Variants in THADA observed in about 807,000 individuals in gnomAD.
THADA encodes the protein THADA armadillo repeat containing, also known as tRNA (32-2'-O)-methyltransferase regulator THADA.
In THADA, 213 loss-of-function variants were observed where a neutral mutation model predicts 219.8. That is an observed-to-expected ratio of 0.97 (90% CI 0.87 to 1.09). The LOEUF (loss-of-function observed/expected upper bound fraction) is 1.09, where lower values mean the gene tolerates loss of function less well. THADA is among the 50% of genes least tolerant of loss of function. The probability of loss-of-function intolerance (pLI) is 0.00; values close to 1 mark genes in which losing one functional copy is unlikely to be tolerated. For missense variants in THADA, 2,956 were observed against 2,311.3 expected (o/e 1.28, Z -5.72); for synonymous variants, 1,018 against 828.9 (o/e 1.23, Z -3.92).
intron 36 of THADA, among the ~76,000 whole-genome samples, chr2:43,234,903 C>T (rs887124254): frequency 6.6e-6 from 1 of 152,052 alleles, no homozygotes; most frequent in African/African-American, 2.4e-5. Context: ...AAACTCCTGA[C>T]CTCAAGTGAT....
At chr2:43,334,898 A>G (rs1232078615) in intron 30 of THADA, among the ~76,000 whole-genome samples, 1 of 152,248 alleles carries the variant, frequency 6.6e-6, no homozygotes, top group Non-Finnish European at 1.5e-5. Context: ...AAGCCCCTCA[A>G]CACAGGTGAT....
intron 30 of THADA, among the ~76,000 whole-genome samples, chr2:43,330,395 C>G (rs755285258): frequency 6.6e-6 from 1 of 152,202 alleles, no homozygotes; most frequent in Non-Finnish European, 1.5e-5. Context: ...GGGCCTCTCT[C>G]CAAGATGCTC....
chr2:43,555,064 C>A (rs1257822985), intron 17 of THADA, among the ~76,000 whole-genome samples: 2 of 151,996 alleles, frequency 1.3e-5, no homozygotes. Context: ...AAAAGATCTA[C>A]ATAAGAATGT....
chr2:43,557,599 AAGACAGAACAAAGGACAGTTTGCTGTTGT>A (rs1312372489), intron 16 of THADA, among the ~76,000 whole-genome samples: 1 of 152,234 alleles, frequency 6.6e-6, no homozygotes, highest in Admixed American at 6.5e-5. Flanking sequence ...TGTCCTAAAG[AAGACAGAACAAAGGACAGTTTGCTGTTGT>A]AGTCATGGAA....
At chr2:43,362,827 TTTC>T (rs1218171319) in intron 29 of THADA, among the ~76,000 whole-genome samples, 2 of 152,336 alleles carry the variant, frequency 1.3e-5, no homozygotes, top group Non-Finnish European at 2.9e-5. Context: ...TAAAAAATAA[TTTC>T]TTTATATCCT....
rs1274319134 is a variant in THADA, at chr2:43,443,405, A to T, written c.3837-13103T>A. Among the ~76,000 whole-genome samples, 9 of 152,340 alleles carry T rather than the reference A, an allele frequency of 5.9e-5. No homozygotes were observed. In the East Asian group the frequency reaches 7.7e-4, roughly 13 times the overall value. On this transcript the variant is annotated intron_variant, in intron 26 of 37. Coordinates refer to ENST00000405975, the MANE Select transcript of THADA (RefSeq NM_022065.5). ...CCCTGCCAGAGCTTGAAATGTTCTT[A>T]AACACAAATAAATAACGCTTGTCTC...
chr2:43,237,021 G>A (rs1029026983), intron 36 of THADA, among the ~76,000 whole-genome samples: 169 of 145,100 alleles, frequency 1.2e-3, no homozygotes, highest in Middle Eastern at 4.0e-3. Context: ...GCAGTGAGCC[G>A]AGATCGCGCC....
chr2:43,560,504 C>A, intron 15 of THADA, 119 bp from the exon 16 acceptor site: 1 of 614,606 alleles, frequency 1.6e-6, no homozygotes, highest in Non-Finnish European at 2.6e-6. Context: ...CATACTTTAC[C>A]CATGATAGCT....
intron 29 of THADA, among the ~76,000 whole-genome samples, chr2:43,377,076 C>T (rs1441001220): frequency 3.3e-5 from 5 of 152,262 alleles, no homozygotes; most frequent in Middle Eastern, 3.4e-3. Context: ...AACATAGCCC[C>T]GGGAGTGGCA....
chr2:43,260,754 G>C (rs1307845508), intron 36 of THADA, among the ~76,000 whole-genome samples: 1 of 152,134 alleles, frequency 6.6e-6, no homozygotes, highest in Non-Finnish European at 1.5e-5. Context: ...GGCCTAGGAA[G>C]ATTTCTTTAT....
At chr2:43,488,978 T>C (rs1687261213) in intron 25 of THADA, among the ~76,000 whole-genome samples, 1 of 152,190 alleles carries the variant, frequency 6.6e-6, no homozygotes, top group African/African-American at 2.4e-5. Context: ...TGGAGATAAA[T>C]ATTCTTTGTC....
intron 28 of THADA, among the ~76,000 whole-genome samples, chr2:43,409,372 G>GA (rs1392051732): frequency 2.6e-5 from 4 of 150,944 alleles, no homozygotes; most frequent in South Asian, 2.1e-4. Context: ...TTTTGGCCTG[G>GA]AAAAATGACA....
chr2:43,296,664 C>T (rs898821311), intron 31 of THADA, among the ~76,000 whole-genome samples: 2 of 152,120 alleles, frequency 1.3e-5, no homozygotes, highest in Non-Finnish European at 2.9e-5. Context: ...GTCTAAAAAC[C>T]GAATCTCATA....
chr2:43,264,927 A>C (rs1304687208), intron 36 of THADA, among the ~76,000 whole-genome samples: 1 of 152,220 alleles, frequency 6.6e-6, no homozygotes, highest in Non-Finnish European at 1.5e-5. Flanking sequence ...TTTTTCCCTA[A>C]GTACCGTGCT....
At chr2:43,547,427 T>C (rs1330639879) in intron 20 of THADA, among the ~76,000 whole-genome samples, 1 of 152,246 alleles carries the variant, frequency 6.6e-6, no homozygotes, top group Admixed American at 6.5e-5. Context: ...CTTGCTAGAT[T>C]GGGGAAGTTC....
At chr2:43,290,522 C>T (rs57013522) in intron 34 of THADA, among the ~76,000 whole-genome samples, 2,153 of 152,294 alleles carry the variant, frequency 0.014, 39 homozygotes, top group African/African-American at 0.046. Context: ...AAGTCTTCTT[C>T]AGCCTCTGAA....
At chr2:43,516,375 A>T (rs990332132) in intron 22 of THADA, among the ~76,000 whole-genome samples, 2 of 151,876 alleles carry the variant, frequency 1.3e-5, no homozygotes, top group African/African-American at 4.8e-5. Context: ...CTCATCTACA[A>T]CTCTTTCCTA....
chr2:43,432,207 G>A (rs945005806), intron 26 of THADA, among the ~76,000 whole-genome samples: 14 of 151,030 alleles, frequency 9.3e-5, no homozygotes, highest in African/African-American at 2.9e-4. Context: ...AGCCAGGATG[G>A]TCTCGATCTC....
At position 43,499,341 on chromosome 2, in the gene THADA, T is replaced by A. The variant is rs72865269; in HGVS notation, c.3622-386A>T. On this transcript the variant is annotated intron_variant, in intron 24 of 37. Coordinates refer to ENST00000405975, the MANE Select transcript of THADA (RefSeq NM_022065.5). Reference sequence around the variant, plus strand: ...CTTATAGATTATGCTCTGATCACCATGGAATTAAGAAACTTTAAAAAAAAC... The same window carrying A: ...CTTATAGATTATGCTCTGATCACCAAGGAATTAAGAAACTTTAAAAAAAAC... Among the ~76,000 whole-genome samples, 1,358 of 152,260 alleles carry A rather than the reference T, an allele frequency of 8.9e-3. 22 individuals carry two copies. Among genetic ancestry groups the A allele is most frequent in the African/African-American group, 0.031 (1,300 of 41,556 alleles).
Sources: gnomAD v4.1 joint callset for allele counts (sites outside exome capture counted in the v4.1 genomes callset) on GRCh38, gnomAD v4.1.1 for gene constraint, MANE v1.5 for transcripts, NCBI Gene and HGNC (gene_info 2026-07-23, HGNC 2026-07-21) for gene names.